Variants in ST8SIA5 observed in about 807,000 individuals in gnomAD.
The protein encoded by ST8SIA5 is alpha-2,8-sialyltransferase 8E.
In ST8SIA5, 24 loss-of-function variants were observed where a neutral mutation model predicts 40.2. That is an observed-to-expected ratio of 0.60 (90% CI 0.43 to 0.84). The LOEUF (loss-of-function observed/expected upper bound fraction) is 0.84, where lower values mean the gene tolerates loss of function less well. Among genes scored for constraint, ST8SIA5 ranks in the 40% least tolerant of loss-of-function variants. The pLI is 0.00. For missense variants in ST8SIA5, 465 were observed against 498.5 expected, an observed-to-expected ratio of 0.93 and a Z score of 0.64; for synonymous variants, 198 against 201.8, an observed-to-expected ratio of 0.98 and a Z score of 0.16.
chr18:46,725,972 A>AACATATAT (rs59660372), intron 1 of ST8SIA5, among the ~76,000 whole-genome samples: 2 of 29,092 alleles, frequency 6.9e-5, no homozygotes, highest in Admixed American at 4.5e-4. Context: ...AAAAAAAAAA[A>AACATATAT]ATATATATAT....
chr18:46,699,100 G>A (rs909249839), intron 2 of ST8SIA5, among the ~76,000 whole-genome samples: 9 of 152,194 alleles, frequency 5.9e-5, no homozygotes, highest in Non-Finnish European at 1.3e-4. Context: ...GAATACAAAT[G>A]TTATCGGCCT....
intron 1 of ST8SIA5, among the ~76,000 whole-genome samples, chr18:46,752,267 A>G (rs2040202725): frequency 6.6e-6 from 1 of 152,074 alleles, no homozygotes; most frequent in African/African-American, 2.4e-5. Flanking sequence ...TTGTTTTTAG[A>G]GTCCCTCGTC....
intron 2 of ST8SIA5, among the ~76,000 whole-genome samples, chr18:46,694,945 G>A (rs1345094866): frequency 6.6e-6 from 1 of 152,042 alleles, no homozygotes; most frequent in Non-Finnish European, 1.5e-5. Context: ...GATCATCTGA[G>A]GTCAGGAGTT....
intron 2 of ST8SIA5, among the ~76,000 whole-genome samples, chr18:46,694,651 A>C (rs2039538650): frequency 1.3e-5 from 2 of 152,136 alleles, no homozygotes; most frequent in African/African-American, 4.8e-5. Context: ...ACCAGCCTTC[A>C]GGAGCTGAGT....
intron 1 of ST8SIA5, among the ~76,000 whole-genome samples, chr18:46,735,128 C>T (rs567003666): frequency 2.4e-4 from 36 of 152,370 alleles, no homozygotes; most frequent in African/African-American, 8.4e-4. Flanking sequence ...CCAAGTTCTT[C>T]AACTTTTGGA....
chr18:46,722,568 G>A (rs1599133949), intron 1 of ST8SIA5, among the ~76,000 whole-genome samples: 1 of 152,154 alleles, frequency 6.6e-6, no homozygotes, highest in Non-Finnish European at 1.5e-5. Flanking sequence ...GTTGGTGCCC[G>A]CTTAATTGCC....
At chr18:46,734,302 C>T (rs1286536886) in intron 1 of ST8SIA5, among the ~76,000 whole-genome samples, 1 of 152,200 alleles carries the variant, frequency 6.6e-6, no homozygotes, top group East Asian at 1.9e-4. Context: ...ACCTGGGGGG[C>T]CTTTCATTGG....
rs3826589 is a variant in ST8SIA5 at position 46,668,988 on chromosome 18, G to A, written c.*11054C>T. On this transcript the variant is annotated 3_prime_UTR_variant, in exon 7 of 7. Transcript: ENST00000315087. Reference sequence around the variant, plus strand: ...ATGGTCCCTGACCCCAGCTTGCCCCGCTCTCCTGCTTTGCTCAGGCCTGTG... The same window carrying A: ...ATGGTCCCTGACCCCAGCTTGCCCCACTCTCCTGCTTTGCTCAGGCCTGTG... 18,897 of 152,398 alleles carry A rather than the reference G, an allele frequency of 0.12. 1,367 individuals are homozygous for A. Among genetic ancestry groups the A allele is most frequent in the East Asian group, 0.19 (974 of 5,170 alleles). 9.4% of individuals were successfully genotyped at this position (152,398 alleles called of 1,614,324 possible).
At chr18:46,737,205 A>G (rs1249236006) in intron 1 of ST8SIA5, among the ~76,000 whole-genome samples, 1 of 152,142 alleles carries the variant, frequency 6.6e-6, no homozygotes, top group Non-Finnish European at 1.5e-5. Context: ...CCCCAAATCC[A>G]GTCTCTGAGA....
chr18:46,671,657 C>T lies in ST8SIA5; in HGVS notation c.*8385G>A, dbSNP rs1010489975. On this transcript the variant is annotated 3_prime_UTR_variant, in exon 7 of 7. Coordinates refer to ENST00000315087, the MANE Select transcript of ST8SIA5 (RefSeq NM_013305.6). ...ACTAAATGCATCCTAATCTTAGGCA[C>T]AGATAAATTCTTAATTCAGGCAGAC... 1.3e-5 allele frequency: 2 copies of T among 152,214 alleles called. No individual in the cohort carries two copies. The highest frequency in any genetic ancestry group is 2.9e-5 in the Non-Finnish European group (2 of 68,046). 9.4% of individuals were successfully genotyped at this position (152,214 alleles called of 1,614,324 possible). A position where few individuals can be genotyped will look rare whatever the true frequency, so the allele number is the denominator to read the frequency against.
chr18:46,686,374 A>C, intron 4 of ST8SIA5, 88 bp from the exon 5 acceptor site: 1 of 1,055,744 alleles, frequency 9.5e-7, no homozygotes, highest in Non-Finnish European at 1.4e-6. Context: ...ACCCACCTAT[A>C]TTAGCTCCTG....
intron 2 of ST8SIA5, among the ~76,000 whole-genome samples, chr18:46,693,948 T>A (rs2039531447): frequency 1.3e-5 from 2 of 152,256 alleles, no homozygotes; most frequent in African/African-American, 4.8e-5. Flanking sequence ...AATTGTTCCT[T>A]GCATCCTAAC....
At chr18:46,683,034 T>C (rs1413735603) in intron 5 of ST8SIA5, among the ~76,000 whole-genome samples, 1 of 152,206 alleles carries the variant, frequency 6.6e-6, no homozygotes, top group Non-Finnish European at 1.5e-5. Flanking sequence ...TTGGTGGTAT[T>C]TTTTTATAGC....
rs1022989033 is a variant in ST8SIA5 at position 46,686,370 on chromosome 18, C to G, written c.457-84G>C. Reference sequence around the variant, plus strand: ...CTCTCACCTCTGCAAGCACACCCACCTATATTAGCTCCTGGTCCCAAGAGG... The same window carrying G: ...CTCTCACCTCTGCAAGCACACCCACGTATATTAGCTCCTGGTCCCAAGAGG... On this transcript the variant is annotated intron_variant, in intron 4 of 6. Coordinates refer to ENST00000315087, the MANE Select transcript of ST8SIA5 (RefSeq NM_013305.6). The G allele has an allele frequency of 3.6e-4, 389 of 1,094,074 alleles. 5 individuals are homozygous for G. In the South Asian group the frequency reaches 4.0e-3, roughly 11 times the overall value. The allele number at this position is 1,094,074 out of a possible 1,614,324, so 67.8% of individuals were successfully genotyped here. A position where few individuals can be genotyped will look rare whatever the true frequency, so the allele number is the denominator to read the frequency against.
chr18:46,719,682 T>TTTTCTTTCTTTCTTTCTTTTTCTTTC (rs2039833653), intron 1 of ST8SIA5, among the ~76,000 whole-genome samples: 1 of 107,064 alleles, frequency 9.3e-6, no homozygotes, highest in South Asian at 3.8e-4. Context: ...TTCTTTTCTT[T>TTTTCTTTCTTTCTTTCTTTTTCTTTC]TTTCTTTCTT....
At chr18:46,681,200 A>G (rs1336196327) in intron 6 of ST8SIA5, among the ~76,000 whole-genome samples, 1 of 150,176 alleles carries the variant, frequency 6.7e-6, no homozygotes, top group Admixed American at 6.6e-5. Flanking sequence ...TTGGTCTCGA[A>G]CTCCTGGCCG....
At position 46,688,917 on chromosome 18, in the gene ST8SIA5, G is replaced by A. The variant is rs151163620; in HGVS notation, c.314C>T (p.Ser105Phe). ...GGCGTTGCAGCACCTGGACAGAGTA[G>A]ACCTGCCAGGCAGGGAGACAGGCAG... ...MNISEANQFKSTLSRCCNAPA... is the reference protein window; with the variant it reads ...MNISEANQFKFTLSRCCNAPA... Residue 105 changes from serine to phenylalanine, a missense_variant and splice_region_variant, in exon 4 of 7, where the codon TCT (serine) becomes TTT (phenylalanine). Transcript: ENST00000315087. 1.4e-5 allele frequency: 22 copies of A among 1,607,852 alleles called. No homozygotes were observed. In the Middle Eastern group the frequency reaches 5.0e-4, roughly 36 times the overall value.
chr18:46,681,334 C>A (rs1461375913), intron 6 of ST8SIA5, among the ~76,000 whole-genome samples: 1 of 152,152 alleles, frequency 6.6e-6, no homozygotes, highest in Admixed American at 6.5e-5. Context: ...TTTGCTGTCT[C>A]TTCCCGCCCC....
chr18:46,743,165 A>G (rs1183653233), intron 1 of ST8SIA5, among the ~76,000 whole-genome samples: 1 of 152,224 alleles, frequency 6.6e-6, no homozygotes, highest in Non-Finnish European at 1.5e-5. Flanking sequence ...CCTCCAAAGG[A>G]TCACAGCTCC....
Sources: gnomAD v4.1 joint callset for allele counts (sites outside exome capture counted in the v4.1 genomes callset) on GRCh38, gnomAD v4.1.1 for gene constraint, MANE v1.5 for transcripts, NCBI Gene and HGNC (gene_info 2026-07-23, HGNC 2026-07-21) for gene names.